CNTN4: variants seen among roughly 807,000 people sequenced by gnomAD.
CNTN4 encodes contactin 4, also known as contactin-4.
Under a neutral mutation model 122.5 loss-of-function variants are expected in CNTN4, and 77 were observed. That is an observed-to-expected ratio of 0.63 (90% CI 0.52 to 0.76). The LOEUF (loss-of-function observed/expected upper bound fraction) is 0.76. Among genes scored for constraint, CNTN4 ranks in the 30% least tolerant of loss-of-function variants. The pLI, the probability that CNTN4 is intolerant of heterozygous loss-of-function variation, is 0.00. For missense variants in CNTN4, 1,256 were observed against 1,259.1 expected (o/e 1.00, Z 0.04); for synonymous variants, 512 against 447.0 (o/e 1.15, Z -1.83).
At chr3:2,126,273 A>G (rs370364480) in intron 2 of CNTN4, among the ~76,000 whole-genome samples, 4 of 152,296 alleles carry the variant, frequency 2.6e-5, no homozygotes, top group African/African-American at 9.6e-5. Context: ...CATACTGCAT[A>G]TAGCTCCTTA....
At chr3:2,540,204 T>A (rs2077978023) in intron 3 of CNTN4, among the ~76,000 whole-genome samples, 1 of 152,036 alleles carries the variant, frequency 6.6e-6, no homozygotes, top group African/African-American at 2.4e-5. Context: ...TTTATTTGCC[T>A]CCCTTTGGAA....
chr3:2,494,331 G>A (rs1276524909), intron 3 of CNTN4, among the ~76,000 whole-genome samples: 1 of 152,178 alleles, frequency 6.6e-6, no homozygotes, highest in Non-Finnish European at 1.5e-5. Flanking sequence ...GTCCAGAAAG[G>A]TGGTAGAACC....
At chr3:2,199,990 A>G (rs1027203546) in intron 2 of CNTN4, among the ~76,000 whole-genome samples, 5 of 152,182 alleles carry the variant, frequency 3.3e-5, no homozygotes, top group Admixed American at 1.3e-4. Context: ...AATAAAAAAG[A>G]TGAGTGGTTT....
At chr3:2,410,045 C>T (rs749006247) in intron 3 of CNTN4, among the ~76,000 whole-genome samples, 2 of 152,232 alleles carry the variant, frequency 1.3e-5, no homozygotes, top group South Asian at 2.1e-4. Context: ...TTGGACAGCA[C>T]CTATATGCAG....
intron 3 of CNTN4, among the ~76,000 whole-genome samples, chr3:2,367,137 AG>A (rs1476336129): frequency 6.6e-6 from 1 of 152,134 alleles, no homozygotes; most frequent in Non-Finnish European, 1.5e-5. Context: ...AATAAAAAGC[AG>A]TTTCTAGCAT....
intron 4 of CNTN4, among the ~76,000 whole-genome samples, chr3:2,713,188 C>T (rs1424718782): frequency 6.6e-6 from 1 of 151,930 alleles, no homozygotes; most frequent in African/African-American, 2.4e-5. Flanking sequence ...TGAGATCTGA[C>T]CAGGTATATT....
intron 4 of CNTN4, among the ~76,000 whole-genome samples, chr3:2,677,782 G>T (rs2084951863): frequency 6.6e-6 from 1 of 151,920 alleles, no homozygotes; most frequent in Non-Finnish European, 1.5e-5. Flanking sequence ...GAAGAAAAAG[G>T]AGTGAATGTT....
Position 2,916,652 on chromosome 3 carries a change from T to TC in CNTN4, c.1208-8970dup, listed in dbSNP as rs925632158. On this transcript the variant is annotated intron_variant, in intron 12 of 24. Transcript: ENST00000418658. ...GATTTCTCTTTCCTTTCCCCACACT[T>TC]CCCCCCCTTCCACTCGACAAAACCG... Among the ~76,000 whole-genome samples the TC allele has an allele frequency of 3.0e-4, 36 of 121,616 alleles. 10 individuals carry two copies. Among genetic ancestry groups the TC allele is most frequent in the Non-Finnish European group, 5.4e-4 (31 of 57,350 alleles). The allele number at this position is 121,616 out of a possible 152,430, so 79.8% of individuals were successfully genotyped here.
chr3:2,535,627 T>G (rs1014665633), intron 3 of CNTN4, among the ~76,000 whole-genome samples: 1 of 152,102 alleles, frequency 6.6e-6, no homozygotes, highest in Non-Finnish European at 1.5e-5. Flanking sequence ...ATGATAGAGA[T>G]TCCTATGTTC....
At chr3:2,589,447 A>C (rs1282905677) in intron 4 of CNTN4, among the ~76,000 whole-genome samples, 1 of 152,192 alleles carries the variant, frequency 6.6e-6, no homozygotes, top group Non-Finnish European at 1.5e-5. Flanking sequence ...TGTTTCAAAC[A>C]TGTGTGTCTT....
intron 8 of CNTN4, chr3:2,882,890 T>A: frequency 4.8e-6 from 2 of 414,358 alleles, no homozygotes; most frequent in South Asian, 4.4e-5. Flanking sequence ...ACAATACTTT[T>A]GAGGGGCAAA....
chr3:2,797,464 G>A (rs565739299), intron 6 of CNTN4, among the ~76,000 whole-genome samples: 5 of 152,224 alleles, frequency 3.3e-5, no homozygotes, highest in African/African-American at 1.2e-4. Flanking sequence ...CAGGTGTGGT[G>A]GTGGGCGCCT....
intron 3 of CNTN4, among the ~76,000 whole-genome samples, chr3:2,501,980 A>T (rs2076606716): frequency 6.6e-6 from 1 of 152,228 alleles, no homozygotes; most frequent in Non-Finnish European, 1.5e-5. Flanking sequence ...AATTACCTTC[A>T]GACTTTGTGT....
At chr3:2,713,904 T>G (rs1283709240) in intron 4 of CNTN4, among the ~76,000 whole-genome samples, 1 of 152,230 alleles carries the variant, frequency 6.6e-6, no homozygotes, top group African/African-American at 2.4e-5. Context: ...AGTCTCAGAT[T>G]TGTGATCCGT....
chr3:2,398,195 T>A (rs2046709266), intron 3 of CNTN4, among the ~76,000 whole-genome samples: 1 of 152,132 alleles, frequency 6.6e-6, no homozygotes, highest in African/African-American at 2.4e-5. Context: ...TTATGAAAAC[T>A]TTTAAGTATG....
At chr3:2,446,218 T>C (rs1178354799) in intron 3 of CNTN4, among the ~76,000 whole-genome samples, 1 of 152,252 alleles carries the variant, frequency 6.6e-6, no homozygotes, top group Middle Eastern at 3.4e-3. Flanking sequence ...ATTTTTTCAG[T>C]GTAGGATCTT....
At chr3:2,681,253 C>CA (rs113954036) in intron 4 of CNTN4, among the ~76,000 whole-genome samples, 2,341 of 152,204 alleles carry the variant, frequency 0.015, 60 homozygotes, top group African/African-American at 0.049. Context: ...TACAGATTGC[C>CA]AAAACATGGC....
chr3:2,247,005 T>C (rs1287630327), intron 2 of CNTN4, among the ~76,000 whole-genome samples: 2 of 151,654 alleles, frequency 1.3e-5, no homozygotes, highest in East Asian at 1.9e-4. Context: ...CTGGAGGAGG[T>C]TGGTTAAGTA....
chr3:2,304,714 A>C (rs1173479573), intron 2 of CNTN4, among the ~76,000 whole-genome samples: 1 of 151,530 alleles, frequency 6.6e-6, no homozygotes, highest in African/African-American at 2.4e-5. Context: ...TGCTCAACAG[A>C]AGCAGATAAA....
Sources: allele counts gnomAD v4.1 joint callset (sites outside exome capture counted in the v4.1 genomes callset), GRCh38; gene constraint gnomAD v4.1.1; transcripts MANE v1.5; gene names NCBI Gene and HGNC (gene_info 2026-07-23, HGNC 2026-07-21).